The following ARHGAP24 variants were observed in gnomAD, a reference collection of about 807,000 sequenced individuals.
The protein encoded by ARHGAP24 is rho GTPase-activating protein 24.
ARHGAP24 carries 50 observed loss-of-function variants against 76.4 expected under a neutral mutation model. The observed-to-expected ratio is 0.65, with a 90% CI of 0.52 to 0.83. The LOEUF (loss-of-function observed/expected upper bound fraction) is 0.83. Ranked by LOEUF, ARHGAP24 falls within the 40% of genes least tolerant of loss-of-function variation. The pLI is 0.00. For synonymous variants in ARHGAP24, 345 were observed against 323.3 expected (o/e 1.07, Z -0.72); for missense variants, 930 against 914.2 (o/e 1.02, Z -0.22).
chr4:85,608,278 AT>A (rs1468675838), intron 2 of ARHGAP24, among the ~76,000 whole-genome samples: 1 of 152,086 alleles, frequency 6.6e-6, no homozygotes, highest in Admixed American at 6.5e-5. Flanking sequence ...CTAATATGGA[AT>A]TTTTTTAAGG....
chr4:85,934,871 C>T (rs978987855), intron 4 of ARHGAP24, among the ~76,000 whole-genome samples: 4 of 152,188 alleles, frequency 2.6e-5, no homozygotes, highest in African/African-American at 9.7e-5. Flanking sequence ...TAATAGCCAC[C>T]TTGAGGTGCT....
chr4:85,491,653 T>G lies in ARHGAP24; in HGVS notation c.-21+16094T>G, dbSNP rs141517865. ...CTTCCTGGGGACTTGGAACTGATGG[T>G]TTTTATCTAGGCTGTTGCCCTGAAT... On this transcript the variant is annotated intron_variant, in intron 1 of 9. Transcript: ENST00000395184. 1.2e-4 allele frequency among the ~76,000 whole-genome samples: 18 copies of G among 152,194 alleles called. No homozygotes were observed. The East Asian group carries it at 3.1e-3, about 26-fold the overall frequency.
intron 2 of ARHGAP24, among the ~76,000 whole-genome samples, chr4:85,580,146 G>A (rs1727550145): frequency 7.0e-6 from 1 of 143,388 alleles, no homozygotes; most frequent in African/African-American, 2.4e-5. Context: ...TGGGGGGGGA[G>A]GGTGATGGAG....
At chr4:85,987,698 T>G (rs2148865229) in intron 8 of ARHGAP24, among the ~76,000 whole-genome samples, 1 of 152,028 alleles carries the variant, frequency 6.6e-6, no homozygotes, top group Non-Finnish European at 1.5e-5. Flanking sequence ...TAATAGCAGG[T>G]TAGGAGAAAA....
At chr4:85,928,268 C>T (rs1736125255) in intron 4 of ARHGAP24, among the ~76,000 whole-genome samples, 1 of 151,808 alleles carries the variant, frequency 6.6e-6, no homozygotes, top group Non-Finnish European at 1.5e-5. Context: ...TCCCTTCCTC[C>T]ATCCCTCCCT....
intron 2 of ARHGAP24, among the ~76,000 whole-genome samples, chr4:85,667,203 C>T (rs544834342): frequency 7.2e-5 from 11 of 152,278 alleles, no homozygotes; most frequent in South Asian, 6.2e-4. Flanking sequence ...TGGGCAATGG[C>T]GGGCTCCCCT....
At chr4:85,874,895 TTATATAATTTATATATAAATATATTTA>T (rs1732763518) in intron 3 of ARHGAP24, among the ~76,000 whole-genome samples, 1 of 108,618 alleles carries the variant, frequency 9.2e-6, no homozygotes, top group Non-Finnish European at 1.7e-5. Context: ...TAAATATATT[TTATATAATTTATATATAAATATATTTA>T]TATATAATTT....
chr4:85,810,535 T>A (rs945027024), intron 3 of ARHGAP24, among the ~76,000 whole-genome samples: 11 of 152,238 alleles, frequency 7.2e-5, no homozygotes, highest in African/African-American at 2.7e-4. Flanking sequence ...TTAGCTGTTT[T>A]ATGCCCCAGT....
intron 3 of ARHGAP24, among the ~76,000 whole-genome samples, chr4:85,921,719 AG>A (rs1578390548): frequency 1.3e-5 from 2 of 152,110 alleles, no homozygotes; most frequent in East Asian, 3.9e-4. Flanking sequence ...CCACAGTAGG[AG>A]GTGAGCCAGG....
At position 85,842,193 on chromosome 4, in the gene ARHGAP24, C is replaced by A. The variant is rs570861507; in HGVS notation, c.269-81455C>A. On this transcript the variant is annotated intron_variant, in intron 3 of 9. Coordinates refer to ENST00000395184, the MANE Select transcript of ARHGAP24 (RefSeq NM_001025616.3). ...TGTTCAGTAATGTATTCTTTGCCCC[C>A]CCGGCTGAATGGGAAGTAGTAGATG... 5.9e-5 allele frequency among the ~76,000 whole-genome samples: 9 copies of A among 152,304 alleles called. No individual in the cohort carries two copies. In the South Asian group the frequency reaches 1.9e-3, roughly 32 times the overall value.
At chr4:85,831,201 T>A (rs1222114026) in intron 3 of ARHGAP24, among the ~76,000 whole-genome samples, 2 of 152,226 alleles carry the variant, frequency 1.3e-5, no homozygotes, top group African/African-American at 4.8e-5. Context: ...TTAAAAACAC[T>A]GATGACCAAT....
intron 3 of ARHGAP24, among the ~76,000 whole-genome samples, chr4:85,902,630 G>A (rs1298673546): frequency 5.3e-5 from 8 of 152,096 alleles, no homozygotes; most frequent in Admixed American, 5.2e-4. Context: ...TTGAACCGGA[G>A]TCTCACTCTG....
At chr4:85,902,627 G>A (rs139933273) in intron 3 of ARHGAP24, among the ~76,000 whole-genome samples, 87 of 152,026 alleles carry the variant, frequency 5.7e-4, no homozygotes, top group African/African-American at 2.0e-3. Context: ...TTTTTGAACC[G>A]GAGTCTCACT....
intron 3 of ARHGAP24, among the ~76,000 whole-genome samples, chr4:85,725,180 G>A (rs1725121219): frequency 6.6e-6 from 1 of 152,094 alleles, no homozygotes; most frequent in Non-Finnish European, 1.5e-5. Flanking sequence ...ACAAGAAATA[G>A]GCAAAACAAG....
At chr4:85,655,818 A>AGAGAGAGAGAGAGAGAAAGAGAGAGAGAG (rs1237643654) in intron 2 of ARHGAP24, among the ~76,000 whole-genome samples, 1 of 35,506 alleles carries the variant, frequency 2.8e-5, no homozygotes, top group Non-Finnish European at 5.1e-5. Flanking sequence ...GAGAGAGAGA[A>AGAGAGAGAGAGAGAGAAAGAGAGAGAGAG]AGAGAGAGAG....
At chr4:85,701,180 T>C (rs777719800) in intron 2 of ARHGAP24, among the ~76,000 whole-genome samples, 1 of 152,244 alleles carries the variant, frequency 6.6e-6, no homozygotes, top group Non-Finnish European at 1.5e-5. Flanking sequence ...GCTACTTATA[T>C]TTCTTCTTGC....
In ARHGAP24 at chr4:85,564,629, G is replaced by A. The variant is rs1726753603; in HGVS notation, c.-20-5893G>A. ...ACACCAGGGACCAGTTTCACGGGGT[G>A]AGGGGGAGATGGTTTGGGGATGAAA... On this transcript the variant is annotated intron_variant, in intron 1 of 9. Coordinates refer to ENST00000395184, the MANE Select transcript of ARHGAP24 (RefSeq NM_001025616.3). Among the ~76,000 whole-genome samples the A allele has an allele frequency of 4.6e-5, 7 of 151,882 alleles. 1 individual carries two copies. The South Asian group carries it at 1.5e-3, about 32-fold the overall frequency.
At chr4:85,854,676 C>T (rs931595560) in intron 3 of ARHGAP24, among the ~76,000 whole-genome samples, 1 of 152,148 alleles carries the variant, frequency 6.6e-6, no homozygotes, top group African/African-American at 2.4e-5. Context: ...TTTCTTACAT[C>T]CGGCTATGTC....
intron 2 of ARHGAP24, among the ~76,000 whole-genome samples, chr4:85,623,571 C>G (rs528707507): frequency 2.0e-5 from 3 of 152,044 alleles, no homozygotes; most frequent in Non-Finnish European, 4.4e-5. Flanking sequence ...CTTTGTGATG[C>G]GGGCTCTTTT....
Sources: gnomAD v4.1 joint callset for allele counts (sites outside exome capture counted in the v4.1 genomes callset) on GRCh38, gnomAD v4.1.1 for gene constraint, MANE v1.5 for transcripts, NCBI Gene and HGNC (gene_info 2026-07-23, HGNC 2026-07-21) for gene names.